The following PRKAR2B variants were observed in gnomAD, a reference collection of about 807,000 sequenced individuals.
PRKAR2B encodes protein kinase cAMP-dependent type II regulatory subunit beta.
Under a neutral mutation model 49.9 loss-of-function variants are expected in PRKAR2B, and 14 were observed. That is an observed-to-expected ratio of 0.28 (90% confidence interval 0.19 to 0.44). PRKAR2B has a LOEUF of 0.44. PRKAR2B is among the 20% of genes least tolerant of loss of function. The probability of loss-of-function intolerance (pLI) is 1.00; values close to 1 mark genes in which losing one functional copy is unlikely to be tolerated. For synonymous variants in PRKAR2B, 196 were observed against 197.7 expected (o/e 0.99, Z 0.07); for missense variants, 393 against 537.9 (o/e 0.73, Z 2.67).
At chr7:107,058,633 A>T (rs1237624713) in intron 1 of PRKAR2B, among the ~76,000 whole-genome samples, 1 of 152,190 alleles carries the variant, frequency 6.6e-6, no homozygotes, top group East Asian at 1.9e-4. Flanking sequence ...AGGACTTTTG[A>T]TGCATAATAA....
intron 8 of PRKAR2B, among the ~76,000 whole-genome samples, chr7:107,153,682 C>T (rs574913036): frequency 1.3e-5 from 2 of 152,172 alleles, no homozygotes; most frequent in South Asian, 4.1e-4. Flanking sequence ...TTTTGGCTTC[C>T]AAGACTACAT....
At chr7:107,156,961 GT>G in intron 8 of PRKAR2B, 22 bp from the exon 9 acceptor site, 1 of 1,587,984 alleles carries the variant, frequency 6.3e-7, no homozygotes, top group Non-Finnish European at 8.6e-7. Context: ...TTCACCGTCT[GT>G]TTTTGTTATT....
intron 2 of PRKAR2B, among the ~76,000 whole-genome samples, chr7:107,114,959 T>A (rs1397138271): frequency 6.6e-6 from 1 of 152,126 alleles, no homozygotes; most frequent in Non-Finnish European, 1.5e-5. Flanking sequence ...CAAAAAATAA[T>A]GGGCTTATAA....
intron 1 of PRKAR2B, among the ~76,000 whole-genome samples, chr7:107,050,488 A>G (rs1793780533): frequency 1.3e-5 from 2 of 152,080 alleles, no homozygotes; most frequent in African/African-American, 4.8e-5. Context: ...GATTTTGTTA[A>G]CAGCTATGTT....
chr7:107,153,382 C>A (rs1382117589), intron 8 of PRKAR2B, 131 bp downstream of exon 8: 3 of 535,660 alleles, frequency 5.6e-6, no homozygotes, highest in Non-Finnish European at 9.3e-6. Flanking sequence ...ATTACTTCTA[C>A]CAAATGACCT....
chr7:107,114,829 A>G (rs1364457473), intron 2 of PRKAR2B, among the ~76,000 whole-genome samples: 1 of 152,166 alleles, frequency 6.6e-6, no homozygotes, highest in Non-Finnish European at 1.5e-5. Flanking sequence ...TTAATTAATT[A>G]TACAGTCCCT....
At chr7:107,123,306 T>G (rs1282921645) in intron 3 of PRKAR2B, among the ~76,000 whole-genome samples, 2 of 152,214 alleles carry the variant, frequency 1.3e-5, no homozygotes, top group Non-Finnish European at 2.9e-5. Flanking sequence ...ATGAGGTAAA[T>G]AAAGTGTTTT....
chr7:107,157,237 CG>C lies in PRKAR2B; in HGVS notation c.1040del (p.Gly347AspfsTer10). The C allele has an allele frequency of 1.9e-6, 3 of 1,614,164 alleles. No homozygotes were observed. Among genetic ancestry groups the C allele is most frequent in the Non-Finnish European group, 2.5e-6 (3 of 1,180,022 alleles). ...NGAVEIARCS[R>X]GQYFGELALV... ...TGCAGTAGAAATCGCTCGATGCTCG[CG>C]GGGACAGTACTTTGGAGAGCTTGCC... On this transcript the variant is annotated frameshift_variant, in exon 10 of 11. Coordinates refer to ENST00000265717, the MANE Select transcript of PRKAR2B (RefSeq NM_002736.3). LOFTEE classifies it high-confidence loss of function.
chr7:107,108,608 T>G (rs1176031445), intron 2 of PRKAR2B, among the ~76,000 whole-genome samples: 2 of 152,204 alleles, frequency 1.3e-5, no homozygotes, highest in African/African-American at 2.4e-5. Context: ...TTGATTGGTC[T>G]TAAATTGGCA....
intron 4 of PRKAR2B, among the ~76,000 whole-genome samples, chr7:107,134,246 C>A (rs941824322): frequency 2.0e-5 from 3 of 152,086 alleles, no homozygotes; most frequent in African/African-American, 7.2e-5. Context: ...CCAGGCTGGT[C>A]TGGAATTCTT....
chr7:107,157,043 A>G lies in PRKAR2B; in HGVS notation c.978A>G (p.Lys326=). 6.2e-7 allele frequency: 1 copy of G among 1,611,360 alleles called. No homozygotes were observed. The highest frequency in any genetic ancestry group is 1.3e-5 in the African/African-American group (1 of 74,974). The change falls in exon 9 of 11, where the codon AAA becomes AAG. Residue 326 remains lysine (K), a synonymous_variant. Coordinates refer to ENST00000265717, the MANE Select transcript of PRKAR2B (RefSeq NM_002736.3). ...VESGEVKITM[K]RKGKSEVEEN... Reference sequence around the variant, plus strand: ...CTGGAGAAGTGAAAATTACTATGAAAAGAAAGGTAAGCATTCTAAGTCCTC... The same window carrying G: ...CTGGAGAAGTGAAAATTACTATGAAGAGAAAGGTAAGCATTCTAAGTCCTC...
intron 4 of PRKAR2B, among the ~76,000 whole-genome samples, chr7:107,138,526 A>G (rs926317033): frequency 6.6e-6 from 1 of 150,376 alleles, no homozygotes; most frequent in Non-Finnish European, 1.5e-5. Context: ...CAATCCTCCA[A>G]TCTTGGCCTC....
intron 2 of PRKAR2B, among the ~76,000 whole-genome samples, chr7:107,071,497 G>A (rs1451096127): frequency 6.6e-6 from 1 of 150,908 alleles, no homozygotes; most frequent in Non-Finnish European, 1.5e-5. Context: ...TGTGGAATGA[G>A]ACATTATGTT....
At position 107,161,511 on chromosome 7, in the gene PRKAR2B, A is replaced by G. The variant is rs1427042109; in HGVS notation, c.*1929A>G. 1 of 152,440 alleles carries G rather than the reference A, an allele frequency of 6.6e-6. No homozygotes were observed. The highest frequency in any genetic ancestry group is 1.5e-5 in the Non-Finnish European group (1 of 67,864). 9.4% of individuals were successfully genotyped at this position (152,440 alleles called of 1,614,324 possible). A position where few individuals can be genotyped will look rare whatever the true frequency, so the allele number is the denominator to read the frequency against. On this transcript the variant is annotated 3_prime_UTR_variant, in exon 11 of 11. Transcript: ENST00000265717. ...CACACTTTTATAATAAAATACATGAATTATTGTTTTTCATACTTTTTTGCT... is the reference window on the plus strand; with the variant it reads ...CACACTTTTATAATAAAATACATGAGTTATTGTTTTTCATACTTTTTTGCT...
intron 2 of PRKAR2B, among the ~76,000 whole-genome samples, chr7:107,072,670 A>G (rs1794303210): frequency 6.6e-6 from 1 of 152,190 alleles, no homozygotes; most frequent in South Asian, 2.1e-4. Context: ...AATTTAATTT[A>G]GTGCTAACAT....
chr7:107,050,420 G>A (rs1793779649), intron 1 of PRKAR2B, among the ~76,000 whole-genome samples: 1 of 131,176 alleles, frequency 7.6e-6, no homozygotes, highest in African/African-American at 3.0e-5. Flanking sequence ...AATATTGAAT[G>A]GTTATTTTAT....
chr7:107,081,474 A>C (rs12705402), intron 2 of PRKAR2B, among the ~76,000 whole-genome samples: 59,201 of 142,828 alleles, frequency 0.41, 14,370 homozygotes, highest in Admixed American at 0.53. Context: ...TGTTAGTCTC[A>C]TCTCTGAGAG....
chr7:107,070,713 T>A (rs1298880329), intron 2 of PRKAR2B, among the ~76,000 whole-genome samples: 6 of 152,090 alleles, frequency 3.9e-5, no homozygotes, highest in Non-Finnish European at 7.4e-5. Flanking sequence ...TTAGAAACAG[T>A]GATAATTGAG....
At chr7:107,144,440 T>A (rs941440556) in intron 5 of PRKAR2B, among the ~76,000 whole-genome samples, 3 of 152,050 alleles carry the variant, frequency 2.0e-5, no homozygotes, top group Non-Finnish European at 2.9e-5. Flanking sequence ...ATTGCTTCTT[T>A]ATTATTAATA....
Sources: gnomAD v4.1 joint callset for allele counts (sites outside exome capture counted in the v4.1 genomes callset) on GRCh38, gnomAD v4.1.1 for gene constraint, MANE v1.5 for transcripts, NCBI Gene and HGNC (gene_info 2026-07-23, HGNC 2026-07-21) for gene names.